ABCB11: variants seen among roughly 807,000 people sequenced by gnomAD.
The protein encoded by ABCB11 is bile salt export pump.
ABCB11 carries 95 observed loss-of-function variants against 148.0 expected under a neutral mutation model. The observed-to-expected ratio is 0.64, with a 90% CI of 0.54 to 0.76. ABCB11 has a LOEUF of 0.76. Among genes scored for constraint, ABCB11 ranks in the 30% least tolerant of loss-of-function variants. The pLI is 0.00. For missense variants in ABCB11, 1,523 were observed against 1,617.8 expected (o/e 0.94, Z 1.01); for synonymous variants, 591 against 555.4 (o/e 1.06, Z -0.90).
chr2:168,969,540 C>T lies in ABCB11; in HGVS notation c.1821G>A (p.Gly607=), dbSNP rs1205945949. 1.2e-6 allele frequency: 2 copies of T among 1,611,904 alleles called. No individual in the cohort carries two copies. Among genetic ancestry groups the T allele is most frequent in the Non-Finnish European group, 1.7e-6 (2 of 1,178,870 alleles). ...VQEVLSKIQH[G]HTIISVAHRL... is the part of the protein sequence containing the mutation. ...GATGAGCAACTGAAATGATTGTGTG[C>T]CCATGCTGAATCTGTAAGAATGTAC... Residue 607 remains glycine, a synonymous_variant, in exon 16 of 28, where the codon GGG becomes GGA. Coordinates refer to ENST00000650372, the MANE Select transcript of ABCB11 (RefSeq NM_003742.4).
chr2:169,009,806 A>G, intron 5 of ABCB11, among the ~76,000 whole-genome samples: 1 of 152,168 alleles, frequency 6.6e-6, no homozygotes, highest in East Asian at 1.9e-4. Context: ...TATACTAAAA[A>G]ACATCTAATT....
intron 2 of ABCB11, among the ~76,000 whole-genome samples, chr2:169,017,278 A>G (rs1207740078): frequency 1.3e-5 from 2 of 152,176 alleles, no homozygotes; most frequent in Admixed American, 6.5e-5. Context: ...AGTAGAAGCC[A>G]TAGGATTGAG....
intron 5 of ABCB11, among the ~76,000 whole-genome samples, chr2:169,008,265 GTTCCC>G (rs1227947906): frequency 1.1e-4 from 16 of 152,180 alleles, no homozygotes; most frequent in African/African-American, 3.9e-4. Context: ...ACAGGGCTGT[GTTCCC>G]TCCTAAGGCC....
At chr2:169,017,877 A>G in intron 2 of ABCB11, 173 bp downstream of exon 2, 2 of 767,598 alleles carry the variant, frequency 2.6e-6, no homozygotes. Context: ...TTCAGATATT[A>G]CGTTACATGG....
chr2:168,938,448 T>C (rs1691922743), intron 21 of ABCB11, among the ~76,000 whole-genome samples: 1 of 152,180 alleles, frequency 6.6e-6, no homozygotes, highest in South Asian at 2.1e-4. Flanking sequence ...TGATTCCACT[T>C]AGATGAGGTA....
intron 6 of ABCB11, 101 bp downstream of exon 6, chr2:168,996,534 A>G: frequency 1.7e-6 from 1 of 574,742 alleles, no homozygotes; most frequent in Non-Finnish European, 2.8e-6. Context: ...TGTAGTTCTT[A>G]GGGCTTCTGA....
intron 24 of ABCB11, 53 bp from the exon 25 acceptor site, chr2:168,930,915 T>C: frequency 2.7e-6 from 4 of 1,459,034 alleles, no homozygotes; most frequent in Non-Finnish European, 3.7e-6. Flanking sequence ...CCTAGAATAT[T>C]GAAAACACAC....
At chr2:168,995,869 GC>G (rs1445963956) in intron 6 of ABCB11, among the ~76,000 whole-genome samples, 1 of 150,266 alleles carries the variant, frequency 6.7e-6, no homozygotes, top group Non-Finnish European at 1.5e-5. Context: ...GGAAAGACCT[GC>G]CTAGAAGCAT....
At chr2:169,001,553 G>C (rs1694873648) in intron 5 of ABCB11, among the ~76,000 whole-genome samples, 2 of 152,100 alleles carry the variant, frequency 1.3e-5, no homozygotes, top group Admixed American at 1.3e-4. Context: ...TGAGTGAGGG[G>C]GTGGCACAAG....
chr2:169,013,500 G>C lies in ABCB11; in HGVS notation c.161C>G (p.Ser54Cys). 6.2e-7 allele frequency: 1 copy of C among 1,612,790 alleles called. No individual in the cohort carries two copies. Among genetic ancestry groups the C allele is most frequent in the Non-Finnish European group, 8.5e-7 (1 of 1,179,198 alleles). Residue 54 changes from serine to cysteine, a missense_variant, in exon 5 of 28, where the codon TCT becomes TGT. Physicochemically the swap from Ser to Cys is moderately radical, Grantham distance 112 (BLOSUM62 -1). Coordinates refer to ENST00000650372, the MANE Select transcript of ABCB11 (RefSeq NM_003742.4). ...CATCAGCCAAATGTCAGTTGATGAA[G>C]AAAACCGAAACTTGAAAAACAAAGG... ...RVGFFQLFRF[S>C]SSTDIWLMFV...
intron 17 of ABCB11, among the ~76,000 whole-genome samples, chr2:168,964,755 A>G (rs1227416830): frequency 1.3e-5 from 2 of 151,850 alleles, no homozygotes; most frequent in Non-Finnish European, 2.9e-5. Flanking sequence ...CATGGTTACA[A>G]ATGATATGAG....
intron 2 of ABCB11, among the ~76,000 whole-genome samples, chr2:169,017,446 T>A (rs982885828): frequency 3.3e-5 from 5 of 152,168 alleles, no homozygotes; most frequent in Non-Finnish European, 7.4e-5. Context: ...AGCATGATAA[T>A]GTTGACAGAC....
rs759430584 is a variant in ABCB11, at chr2:168,933,602, C to T, written c.3057-1069G>A. Among the ~76,000 whole-genome samples, 5 of 152,166 alleles carry T rather than the reference C, an allele frequency of 3.3e-5. No individual in the cohort carries two copies. The East Asian group carries it at 9.7e-4, about 29-fold the overall frequency. On this transcript the variant is annotated intron_variant, in intron 23 of 27. Transcript: ENST00000650372. Reference sequence around the variant, plus strand: ...GTTCATAAGCAGGAATTGTTTTAGGCCAGAATTGCAAATCTGAACATCCCC... The same window carrying T: ...GTTCATAAGCAGGAATTGTTTTAGGTCAGAATTGCAAATCTGAACATCCCC...
intron 5 of ABCB11, among the ~76,000 whole-genome samples, chr2:169,007,186 A>C (rs554452030): frequency 6.6e-6 from 1 of 152,172 alleles, no homozygotes; most frequent in Non-Finnish European, 1.5e-5. Flanking sequence ...TTGAGAGTCC[A>C]CAAATAAACC....
chr2:168,961,203 G>A (rs16823014), intron 18 of ABCB11, among the ~76,000 whole-genome samples: 8,427 of 151,796 alleles, frequency 0.056, 305 homozygotes, highest in East Asian at 0.16. Context: ...TTCAATGCTA[G>A]ACACTGGGCT....
chr2:168,987,943 A>G (rs905874131), intron 9 of ABCB11, among the ~76,000 whole-genome samples: 2 of 152,156 alleles, frequency 1.3e-5, no homozygotes, highest in African/African-American at 4.8e-5. Flanking sequence ...AAATTGTGGA[A>G]TGGCTAAATC....
At chr2:168,954,989 A>T (rs1211855057) in intron 19 of ABCB11, among the ~76,000 whole-genome samples, 1 of 151,612 alleles carries the variant, frequency 6.6e-6, no homozygotes, top group Non-Finnish European at 1.5e-5. Flanking sequence ...TTCAAAAGAC[A>T]TGTGTTCAAG....
chr2:168,961,840 T>C (rs918479482), intron 18 of ABCB11, among the ~76,000 whole-genome samples: 2 of 151,688 alleles, frequency 1.3e-5, no homozygotes, highest in Admixed American at 6.6e-5. Context: ...GATAACTCCT[T>C]TGTGTGAATC....
chr2:168,985,760 AG>A (rs1694296958), intron 10 of ABCB11, among the ~76,000 whole-genome samples: 1 of 152,096 alleles, frequency 6.6e-6, no homozygotes, highest in South Asian at 2.1e-4. Flanking sequence ...CAAAGGCATA[AG>A]AATGATACAA....
Sources: allele counts gnomAD v4.1 joint callset (sites outside exome capture counted in the v4.1 genomes callset), GRCh38; gene constraint gnomAD v4.1.1; transcripts MANE v1.5; gene names NCBI Gene and HGNC (gene_info 2026-07-23, HGNC 2026-07-21).